The following PALLD variants were observed in gnomAD, a reference collection of about 807,000 sequenced individuals.
PALLD encodes the protein palladin.
In PALLD, 61 loss-of-function variants were observed where a neutral mutation model predicts 123.5. That is an observed-to-expected ratio of 0.49 (90% confidence interval 0.40 to 0.61). The LOEUF (loss-of-function observed/expected upper bound fraction) is 0.61, where lower values mean the gene tolerates loss of function less well. Ranked by LOEUF, PALLD falls within the 20% of genes least tolerant of loss-of-function variation. The probability of loss-of-function intolerance (pLI) is 0.00; values close to 1 mark genes in which losing one functional copy is unlikely to be tolerated. For synonymous variants in PALLD, 465 were observed against 496.4 expected (o/e 0.94, Z 0.84); for missense variants, 1,273 against 1,377.0 (o/e 0.92, Z 1.20).
At chr4:168,807,780 A>T (rs1740446546) in intron 10 of PALLD, among the ~76,000 whole-genome samples, 1 of 152,094 alleles carries the variant, frequency 6.6e-6, no homozygotes, top group Non-Finnish European at 1.5e-5. Flanking sequence ...ATCTCAGCTC[A>T]CTGCAACTTC....
intron 10 of PALLD, among the ~76,000 whole-genome samples, chr4:168,884,573 T>G (rs75273953): frequency 2.6e-5 from 4 of 152,228 alleles, no homozygotes; most frequent in Non-Finnish European, 5.9e-5. Flanking sequence ...CTGATATGTC[T>G]TGCCTTCCAT....
In PALLD at chr4:168,898,734, CT is replaced by C; in HGVS notation, c.2472+25del. 1 of 1,518,126 alleles carries C rather than the reference CT, an allele frequency of 6.6e-7. No homozygotes were observed. The highest frequency in any genetic ancestry group is 1.4e-5 in the African/African-American group (1 of 73,148). The allele number at this position is 1,518,126 out of a possible 1,614,324, so 94.0% of individuals were successfully genotyped here. On this transcript the variant is annotated intron_variant, in intron 14 of 21. Transcript: ENST00000505667. ...CCAAAGGTGAGCTGGGAGATGGAGG[CT>C]TTTTAAGAGTCATTCTCTGAGGAAA... is the stretch of plus-strand genomic sequence containing the variant.
Position 168,711,748 on chromosome 4 carries a change from G to A in PALLD, c.1789G>A (p.Ala597Thr), listed in dbSNP as rs776410798. ...CAACCCTGAGTTAGGCCTGAGCAGG[G>A]CAGCCCTTCAAATGCAATTCAATGC... The part of the protein sequence containing the change: ...VNNPELGLSR[A>T]ALQMQFNAAE... Residue 597 changes from alanine to threonine, a missense_variant, in exon 10 of 22, where the codon GCA becomes ACA. Around this residue, in one of 2 missense-constraint regions of PALLD, gnomAD observed 944 missense variants for 954.5 expected, o/e 0.99. Coordinates refer to ENST00000505667, the MANE Select transcript of PALLD (RefSeq NM_001166108.2). The A allele has an allele frequency of 1.9e-6, 3 of 1,614,166 alleles. No individual in the cohort carries two copies. The highest frequency in any genetic ancestry group is 2.5e-6 in the Non-Finnish European group (3 of 1,180,034).
At chr4:168,722,705 G>A (rs1356522597) in intron 10 of PALLD, among the ~76,000 whole-genome samples, 1 of 152,174 alleles carries the variant, frequency 6.6e-6, no homozygotes, top group Non-Finnish European at 1.5e-5. Flanking sequence ...AGTGAGCATG[G>A]TTTCATGACT....
chr4:168,919,668 G>GC (rs1455084315), intron 17 of PALLD, among the ~76,000 whole-genome samples: 4 of 152,004 alleles, frequency 2.6e-5, no homozygotes, highest in Admixed American at 2.0e-4. Flanking sequence ...CCTCCAAAAA[G>GC]CCCCCTCCCC....
At chr4:168,673,907 TG>T (rs1780563776) in intron 3 of PALLD, among the ~76,000 whole-genome samples, 3 of 151,642 alleles carry the variant, frequency 2.0e-5, no homozygotes, top group Admixed American at 2.0e-4. Context: ...TGTGTGTGTG[TG>T]TGTGTGTGTC....
chr4:168,530,679 T>A (rs1341158395), intron 2 of PALLD: 1 of 152,160 alleles, frequency 6.6e-6, no homozygotes, highest in African/African-American at 2.4e-5. Context: ...ACTTATGAGC[T>A]GAATAAACTT....
At chr4:168,848,443 T>C (rs1747235016) in intron 10 of PALLD, among the ~76,000 whole-genome samples, 1 of 152,156 alleles carries the variant, frequency 6.6e-6, no homozygotes, top group South Asian at 2.1e-4. Context: ...GCACTGGCCA[T>C]CTTAGACACA....
At chr4:168,672,675 G>T (rs113738264) in intron 3 of PALLD, among the ~76,000 whole-genome samples, 4,096 of 152,196 alleles carry the variant, frequency 0.027, 97 homozygotes, top group Non-Finnish European at 0.04. Flanking sequence ...AGCCAGGATG[G>T]TCTTGATCTC....
At chr4:168,749,923 T>A (rs777267442) in intron 10 of PALLD, among the ~76,000 whole-genome samples, 8 of 150,162 alleles carry the variant, frequency 5.3e-5, no homozygotes, top group Admixed American at 2.7e-4. Context: ...CATTTTTATG[T>A]CCATGTGTAC....
intron 2 of PALLD, among the ~76,000 whole-genome samples, chr4:168,544,241 T>C (rs924901268): frequency 1.3e-5 from 2 of 152,402 alleles, no homozygotes; most frequent in South Asian, 2.1e-4. Flanking sequence ...CATTTCTGCA[T>C]ATCCTGCAGT....
chr4:168,689,240 T>G (rs1463687790), intron 6 of PALLD, among the ~76,000 whole-genome samples: 1 of 152,118 alleles, frequency 6.6e-6, no homozygotes, highest in East Asian at 1.9e-4. Flanking sequence ...TGCAGGACAT[T>G]GGTTACAGAA....
intron 10 of PALLD, among the ~76,000 whole-genome samples, chr4:168,800,920 T>C (rs1739233814): frequency 6.6e-6 from 1 of 152,188 alleles, no homozygotes; most frequent in Non-Finnish European, 1.5e-5. Flanking sequence ...AATTAAATAT[T>C]ATTCAGCAAT....
At position 168,926,295 on chromosome 4, in the gene PALLD, G is replaced by C; in HGVS notation, c.*115G>C. The C allele has an allele frequency of 6.5e-7, 1 of 1,537,260 alleles. No individual in the cohort carries two copies. Among genetic ancestry groups the C allele is most frequent in the Non-Finnish European group, 8.7e-7 (1 of 1,146,876 alleles). On this transcript the variant is annotated 3_prime_UTR_variant, in exon 22 of 22. Coordinates refer to ENST00000505667, the MANE Select transcript of PALLD (RefSeq NM_001166108.2). ...GTCGCTATGCAGCACTTTCGGACCA[G>C]GGACTAGACATCAAAGCAGCGTTCC... is the stretch of plus-strand genomic sequence containing the variant.
intron 2 of PALLD, among the ~76,000 whole-genome samples, chr4:168,541,868 A>G (rs1373709255): frequency 6.6e-6 from 1 of 152,210 alleles, no homozygotes; most frequent in Non-Finnish European, 1.5e-5. Flanking sequence ...CAGTCAACAG[A>G]TATTTATTGA....
chr4:168,873,218 G>A (rs996939576), intron 10 of PALLD, among the ~76,000 whole-genome samples: 1 of 152,152 alleles, frequency 6.6e-6, no homozygotes, highest in African/African-American at 2.4e-5. Flanking sequence ...AGTCCACCAT[G>A]TTTAGTGTTT....
chr4:168,518,287 T>C (rs999817931), intron 2 of PALLD, among the ~76,000 whole-genome samples: 1 of 152,218 alleles, frequency 6.6e-6, no homozygotes, highest in Non-Finnish European at 1.5e-5. Context: ...GTTATTTGCA[T>C]TACCTTCCAA....
intron 2 of PALLD, among the ~76,000 whole-genome samples, chr4:168,539,385 C>T (rs1206038916): frequency 6.6e-6 from 1 of 151,892 alleles, no homozygotes; most frequent in Non-Finnish European, 1.5e-5. Context: ...GTCAAGAGTT[C>T]GAGACCAGCC....
chr4:168,799,568 G>A (rs2150670112), intron 10 of PALLD, among the ~76,000 whole-genome samples: 1 of 152,328 alleles, frequency 6.6e-6, no homozygotes, highest in Non-Finnish European at 1.5e-5. Context: ...GCTTAGAAAA[G>A]ATTGAGTACC....
Sources: allele counts gnomAD v4.1 joint callset (sites outside exome capture counted in the v4.1 genomes callset), GRCh38; gene constraint gnomAD v4.1.1; regional missense constraint gnomAD v4.1.1; transcripts MANE v1.5; gene names NCBI Gene and HGNC (gene_info 2026-07-23, HGNC 2026-07-21).